Variants in ITPR1 observed in about 807,000 individuals in gnomAD.
The protein encoded by ITPR1 is inositol 1,4,5-trisphosphate-gated calcium channel ITPR1.
In ITPR1, 96 loss-of-function variants were observed where a neutral mutation model predicts 318.4. The observed-to-expected ratio is 0.30, with a 90% confidence interval of 0.26 to 0.36. The LOEUF (loss-of-function observed/expected upper bound fraction) is 0.36, where lower values mean the gene tolerates loss of function less well. Ranked by LOEUF, ITPR1 falls within the 10% of genes least tolerant of loss-of-function variation. The pLI is 1.00. For missense variants in ITPR1, 2,440 were observed against 3,460.2 expected, an observed-to-expected ratio of 0.71 and a Z score of 7.40; for synonymous variants, 1,312 against 1,289.9, an observed-to-expected ratio of 1.02 and a Z score of -0.37.
At chr3:4,720,137 G>T (rs1272059795) in intron 40 of ITPR1, among the ~76,000 whole-genome samples, 1 of 152,224 alleles carries the variant, frequency 6.6e-6, no homozygotes, top group African/African-American at 2.4e-5. Flanking sequence ...ACTAATATTT[G>T]AGTGCCTGTT....
chr3:4,639,047 A>C (rs1005724236), intron 5 of ITPR1, among the ~76,000 whole-genome samples: 10 of 152,222 alleles, frequency 6.6e-5, no homozygotes, highest in African/African-American at 2.4e-4. Flanking sequence ...TTCACAGATT[A>C]TAAAGGGGCT....
In ITPR1 at chr3:4,833,812, A is replaced by G. The variant is rs113680271; in HGVS notation, c.8029-2962A>G. Among the ~76,000 whole-genome samples, 16 of 152,334 alleles carry G rather than the reference A, an allele frequency of 1.1e-4. No homozygotes were observed. The East Asian group carries it at 1.2e-3, about 11-fold the overall frequency. On this transcript the variant is annotated intron_variant, in intron 60 of 61. Transcript: ENST00000649015. ...GCTTGAAGAGGATTTTAGCCAATCAATCAGTCACTGGTTGTTGGGTCTTAC... is the reference window on the plus strand; with the variant it reads ...GCTTGAAGAGGATTTTAGCCAATCAGTCAGTCACTGGTTGTTGGGTCTTAC...
chr3:4,708,492 C>T (rs2094805047), intron 37 of ITPR1, among the ~76,000 whole-genome samples: 1 of 152,148 alleles, frequency 6.6e-6, no homozygotes, highest in Non-Finnish European at 1.5e-5. Flanking sequence ...CAAAGAGAAC[C>T]AGTTCTTGAT....
intron 46 of ITPR1, among the ~76,000 whole-genome samples, chr3:4,773,402 A>G (rs2046306972): frequency 6.6e-6 from 1 of 152,370 alleles, no homozygotes; most frequent in East Asian, 1.9e-4. Flanking sequence ...TTTGAGAGAC[A>G]GGTGTTATAA....
chr3:4,717,214 G>A (rs2041834585), intron 39 of ITPR1, among the ~76,000 whole-genome samples, 153 bp from the exon 40 acceptor site: 1 of 152,204 alleles, frequency 6.6e-6, no homozygotes, highest in Non-Finnish European at 1.5e-5. Context: ...CTCTGGCCGT[G>A]TCCTAAGCGC....
chr3:4,681,352 C>A lies in ITPR1; in HGVS notation c.3107-12C>A. 6.2e-7 allele frequency: 1 copy of A among 1,605,044 alleles called. No individual in the cohort carries two copies. The highest frequency in any genetic ancestry group is 8.5e-7 in the Non-Finnish European group (1 of 1,172,024). ...CTTCCTGCATCTGAAGTGGTATGTT[C>A]TAACTTTTCAGGTGCTCTTGACTTT... On this transcript the variant is annotated splice_polypyrimidine_tract_variant and intron_variant, in intron 25 of 61. Transcript: ENST00000649015.
At chr3:4,537,628 G>A (rs1332429500) in intron 4 of ITPR1, among the ~76,000 whole-genome samples, 1 of 152,176 alleles carries the variant, frequency 6.6e-6, no homozygotes, top group Admixed American at 6.5e-5. Flanking sequence ...AGAAGCAGGA[G>A]GATTCGAGTT....
rs3804991 is a variant in ITPR1, at chr3:4,686,476, G to T, written c.3702+1270G>T. On this transcript the variant is annotated intron_variant, in intron 30 of 61. Transcript: ENST00000649015. ...ATCTACTTCCTTGTGTGTAAGGAAC[G>T]CGAGGGGGTCATTTGCTAACCATAG... Among the ~76,000 whole-genome samples, 3 of 152,326 alleles carry T rather than the reference G, an allele frequency of 2.0e-5. No homozygotes were observed. In the South Asian group the frequency reaches 6.2e-4, roughly 32 times the overall value.
chr3:4,657,047 A>G lies in ITPR1; in HGVS notation c.997-1077A>G, dbSNP rs142862671. On this transcript the variant is annotated intron_variant, in intron 12 of 61. Coordinates refer to ENST00000649015, the MANE Select transcript of ITPR1 (RefSeq NM_001378452.1). Reference sequence around the variant, plus strand: ...TCATCATTGTTCCTCAGCCTTCGCTATCAGAGATTTTCTTCGCTCTCAGCC... The same window carrying G: ...TCATCATTGTTCCTCAGCCTTCGCTGTCAGAGATTTTCTTCGCTCTCAGCC... Among the ~76,000 whole-genome samples, 432 of 152,322 alleles carry G rather than the reference A, an allele frequency of 2.8e-3. 1 individual carries two copies. Among genetic ancestry groups the G allele is most frequent in the African/African-American group, 9.5e-3 (396 of 41,584 alleles).
At chr3:4,506,942 A>C (rs1018502564) in intron 2 of ITPR1, among the ~76,000 whole-genome samples, 1 of 152,222 alleles carries the variant, frequency 6.6e-6, no homozygotes, top group African/African-American at 2.4e-5. Flanking sequence ...TGTTGATGTG[A>C]GTTACATCTG....
At position 4,763,894 on chromosome 3, in the gene ITPR1, C is replaced by T. The variant is rs187548679; in HGVS notation, c.5545-2636C>T. Among the ~76,000 whole-genome samples, 9 of 152,330 alleles carry T rather than the reference C, an allele frequency of 5.9e-5. 1 individual carries two copies. The highest frequency in any genetic ancestry group is 4.1e-4 in the South Asian group (2 of 4,828). On this transcript the variant is annotated intron_variant, in intron 44 of 61. Coordinates refer to ENST00000649015, the MANE Select transcript of ITPR1 (RefSeq NM_001378452.1). The stretch of plus-strand genomic sequence containing the variant: ...GGCGCTGCTGTCAGATAACAGATGG[C>T]GGGCTTTATTTATTCATTTACTTAC...
chr3:4,656,673 T>G (rs2093716180), intron 12 of ITPR1, among the ~76,000 whole-genome samples: 1 of 152,236 alleles, frequency 6.6e-6, no homozygotes, highest in Non-Finnish European at 1.5e-5. Flanking sequence ...AAGAGTTAGA[T>G]TCTCCCAGGC....
intron 3 of ITPR1, among the ~76,000 whole-genome samples, chr3:4,520,057 A>G (rs913672361): frequency 6.6e-6 from 1 of 152,130 alleles, no homozygotes; most frequent in Non-Finnish European, 1.5e-5. Context: ...ATTTAATGGT[A>G]CCTTGCATTT....
At chr3:4,677,179 T>C (rs2094202062) in intron 24 of ITPR1, among the ~76,000 whole-genome samples, 1 of 152,208 alleles carries the variant, frequency 6.6e-6, no homozygotes, top group Non-Finnish European at 1.5e-5. Context: ...TCCTCCCTTC[T>C]TCCCTTTTTC....
chr3:4,566,347 T>C (rs2087250151), intron 4 of ITPR1, among the ~76,000 whole-genome samples: 2 of 152,128 alleles, frequency 1.3e-5, no homozygotes, highest in Non-Finnish European at 2.9e-5. Flanking sequence ...GTATGAGTAG[T>C]AGTTTGTTGC....
intron 5 of ITPR1, among the ~76,000 whole-genome samples, chr3:4,634,077 G>A (rs1253441415): frequency 1.3e-5 from 2 of 152,070 alleles, no homozygotes; most frequent in African/African-American, 4.8e-5. Context: ...TAATAGTGGT[G>A]GAACCATTTC....
chr3:4,668,251 A>C (rs939686182), intron 18 of ITPR1, among the ~76,000 whole-genome samples: 106 of 101,356 alleles, frequency 1.0e-3, no homozygotes, highest in African/African-American at 2.2e-3. Flanking sequence ...TAACATCCCC[A>C]CCTCCCCCCT....
intron 24 of ITPR1, among the ~76,000 whole-genome samples, chr3:4,677,007 C>T (rs1046607550): frequency 6.6e-6 from 1 of 152,196 alleles, no homozygotes; most frequent in Non-Finnish European, 1.5e-5. Context: ...CATGTCCCTC[C>T]AGCCATGTCA....
chr3:4,625,292 A>G (rs765156009), intron 4 of ITPR1, among the ~76,000 whole-genome samples: 1 of 151,382 alleles, frequency 6.6e-6, no homozygotes, highest in Non-Finnish European at 1.5e-5. Context: ...ATTATGGATC[A>G]TGACTAGAAG....
Sources: allele counts gnomAD v4.1 joint callset (sites outside exome capture counted in the v4.1 genomes callset), GRCh38; gene constraint gnomAD v4.1.1; transcripts MANE v1.5; gene names NCBI Gene and HGNC (gene_info 2026-07-23, HGNC 2026-07-21).